Variants in TWSG1 observed in about 807,000 individuals in gnomAD.
TWSG1 encodes twisted gastrulation protein homolog 1.
TWSG1 carries 15 observed loss-of-function variants against 23.0 expected under a neutral mutation model. That is an observed-to-expected ratio of 0.65 (90% CI 0.44 to 1.00). The LOEUF is 1.00. Ranked by LOEUF, TWSG1 falls within the 50% of genes least tolerant of loss-of-function variation. The probability of loss-of-function intolerance (pLI) is 0.00; values close to 1 mark genes in which losing one functional copy is unlikely to be tolerated. For missense variants in TWSG1, 242 were observed against 278.7 expected, an observed-to-expected ratio of 0.87 and a Z score of 0.94; for synonymous variants, 86 against 92.8, an observed-to-expected ratio of 0.93 and a Z score of 0.42.
intron 3 of TWSG1, among the ~76,000 whole-genome samples, chr18:9,371,674 A>ATG (rs1410364839): frequency 1.3e-5 from 2 of 152,082 alleles, no homozygotes; most frequent in Non-Finnish European, 2.9e-5. Flanking sequence ...TTTCCTATAT[A>ATG]TTCTCTGCCT....
intron 3 of TWSG1, among the ~76,000 whole-genome samples, chr18:9,370,654 A>C (rs1437977177): frequency 6.6e-6 from 1 of 152,194 alleles, no homozygotes; most frequent in East Asian, 1.9e-4. Context: ...AAACCGACTA[A>C]AAAAGAAAAC....
In TWSG1 at chr18:9,360,065, T is replaced by A. The variant is rs1235272328; in HGVS notation, c.217T>A (p.Cys73Ser). 6.2e-7 allele frequency: 1 copy of A among 1,612,836 alleles called. No homozygotes were observed. Among genetic ancestry groups the A allele is most frequent in the Non-Finnish European group, 8.5e-7 (1 of 1,179,114 alleles). The change falls in exon 3 of 5, where the codon TGT becomes AGT. Residue 73 changes from cysteine to serine, a missense_variant. Transcript: ENST00000262120. ...LGALWDECCD[C>S]VGMCNPRNYS... is the part of the protein sequence containing the mutation. The stretch of plus-strand genomic sequence containing the variant: ...GGCCCTTTGGGACGAGTGCTGTGAC[T>A]GTGTTGGTAAGTTGATACCAAGGGA...
chr18:9,394,788 G>A (rs975066473), intron 3 of TWSG1, among the ~76,000 whole-genome samples: 10 of 151,788 alleles, frequency 6.6e-5, no homozygotes, highest in Middle Eastern at 3.2e-3. Flanking sequence ...ACACACGCAC[G>A]CACACACATG....
At chr18:9,344,739 T>C (rs57333366) in intron 2 of TWSG1, among the ~76,000 whole-genome samples, 1 of 151,408 alleles carries the variant, frequency 6.6e-6, no homozygotes, top group African/African-American at 2.4e-5. Flanking sequence ...AAACCAGTGC[T>C]CTTTTTTGTG....
At chr18:9,388,940 A>C (rs1467956195) in intron 3 of TWSG1, among the ~76,000 whole-genome samples, 1 of 151,586 alleles carries the variant, frequency 6.6e-6, no homozygotes, top group Non-Finnish European at 1.5e-5. Flanking sequence ...TCTATTTACT[A>C]ATTTTTTTGT....
At chr18:9,375,947 G>A (rs1038014726) in intron 3 of TWSG1, among the ~76,000 whole-genome samples, 8 of 150,296 alleles carry the variant, frequency 5.3e-5, no homozygotes, top group East Asian at 1.9e-4. Flanking sequence ...ATGGAGTCTC[G>A]CTCTTTCACC....
intron 1 of TWSG1, among the ~76,000 whole-genome samples, chr18:9,335,829 CT>C (rs1224887788): frequency 1.3e-5 from 2 of 152,144 alleles, no homozygotes; most frequent in Non-Finnish European, 2.9e-5. Context: ...CTTTGTAACA[CT>C]TAGAATAAAA....
chr18:9,369,664 C>T (rs1240407582), intron 3 of TWSG1, among the ~76,000 whole-genome samples: 1 of 152,042 alleles, frequency 6.6e-6, no homozygotes, highest in African/African-American at 2.4e-5. Flanking sequence ...TTCCGTTGCT[C>T]AGGCTGGAGT....
intron 2 of TWSG1, among the ~76,000 whole-genome samples, chr18:9,354,283 G>A (rs77110107): frequency 0.033 from 5,017 of 152,212 alleles, 148 homozygotes; most frequent in Non-Finnish European, 0.05. Context: ...AAAATACTTA[G>A]CACAGTGCCT....
rs978153547 is a variant in TWSG1 at position 9,365,842 on chromosome 18, TA to T, written c.223+5778del. Among the ~76,000 whole-genome samples, 91 of 150,226 alleles carry T rather than the reference TA, an allele frequency of 6.1e-4. 1 individual carries two copies. The highest frequency in any genetic ancestry group is 2.4e-4 in the Non-Finnish European group (16 of 67,530). On this transcript the variant is annotated intron_variant, in intron 3 of 4. Transcript: ENST00000262120. ...ACAGGGAGACTCTGTCTCTACAAAATAAAAAAACAAAAAATTGACTGGGCAT... is the reference window on the plus strand; with the variant it reads ...ACAGGGAGACTCTGTCTCTACAAAATAAAAAACAAAAAATTGACTGGGCAT...
At chr18:9,369,292 A>C (rs1295621171) in intron 3 of TWSG1, among the ~76,000 whole-genome samples, 2 of 151,954 alleles carry the variant, frequency 1.3e-5, no homozygotes, top group Non-Finnish European at 2.9e-5. Context: ...CTTTTGAGTC[A>C]GAGTCTTGCT....
rs150267507 is a variant in TWSG1, at chr18:9,393,293, T to A, written c.224-2987T>A. Among the ~76,000 whole-genome samples the A allele has an allele frequency of 5.0e-3, 758 of 152,360 alleles. 6 individuals are homozygous for A. The highest frequency in any genetic ancestry group is 0.017 in the African/African-American group (721 of 41,578). On this transcript the variant is annotated intron_variant, in intron 3 of 4. Coordinates refer to ENST00000262120, the MANE Select transcript of TWSG1 (RefSeq NM_020648.6). ...AGGGTTCTGTTCCAGTAACTATTGCTACTAAACAAGCTACAACAAAACATA... is the reference window on the plus strand; with the variant it reads ...AGGGTTCTGTTCCAGTAACTATTGCAACTAAACAAGCTACAACAAAACATA...
intron 2 of TWSG1, among the ~76,000 whole-genome samples, chr18:9,339,803 A>C (rs2040437995): frequency 6.7e-6 from 1 of 148,606 alleles, no homozygotes. Flanking sequence ...ACTCTGTCTC[A>C]AAAAAAAAAA....
At chr18:9,340,559 C>T (rs2040442294) in intron 2 of TWSG1, among the ~76,000 whole-genome samples, 1 of 152,132 alleles carries the variant, frequency 6.6e-6, no homozygotes, top group South Asian at 2.1e-4. Flanking sequence ...ATGTGTTCCT[C>T]TTACTATGGC....
intron 2 of TWSG1, among the ~76,000 whole-genome samples, chr18:9,346,531 C>T (rs1038899997): frequency 1.1e-4 from 17 of 152,024 alleles, no homozygotes; most frequent in African/African-American, 3.9e-4. Context: ...AATCTCAGTG[C>T]TTTAGGAGGC....
chr18:9,338,432 A>G (rs1301681159), intron 2 of TWSG1, among the ~76,000 whole-genome samples: 1 of 152,338 alleles, frequency 6.6e-6, no homozygotes, highest in Middle Eastern at 3.4e-3. Flanking sequence ...TAGTTACTGC[A>G]GTCACTACCT....
intron 3 of TWSG1, among the ~76,000 whole-genome samples, chr18:9,375,166 C>CAAA (rs34522798): frequency 6.5e-4 from 58 of 89,666 alleles, no homozygotes; most frequent in Non-Finnish European, 8.3e-4. Flanking sequence ...TACTCCGTCT[C>CAAA]AAAAAAAAAA....
intron 4 of TWSG1, chr18:9,396,759 A>C: frequency 1.1e-5 from 7 of 634,936 alleles, no homozygotes; most frequent in Non-Finnish European, 1.6e-5. Context: ...CCAATCCTTG[A>C]GTAGATAAAA....
At chr18:9,344,365 G>C (rs1171188701) in intron 2 of TWSG1, among the ~76,000 whole-genome samples, 3 of 152,088 alleles carry the variant, frequency 2.0e-5, no homozygotes, top group Non-Finnish European at 4.4e-5. Flanking sequence ...GAGAGTTCTA[G>C]TTTCCCTATA....
Sources: allele counts gnomAD v4.1 joint callset (sites outside exome capture counted in the v4.1 genomes callset), GRCh38; gene constraint gnomAD v4.1.1; transcripts MANE v1.5; gene names NCBI Gene and HGNC (gene_info 2026-07-23, HGNC 2026-07-21).